Variants in PALM2AKAP2 observed in about 807,000 individuals in gnomAD.
PALM2AKAP2 encodes the protein PALM2 and AKAP2 fusion.
A neutral mutation model predicts 71.5 loss-of-function variants in PALM2AKAP2; 37 were observed. The observed-to-expected ratio is 0.52, with a 90% confidence interval of 0.40 to 0.68. The LOEUF (loss-of-function observed/expected upper bound fraction) is 0.68, where lower values mean the gene tolerates loss of function less well. Ranked by LOEUF, PALM2AKAP2 falls within the 30% of genes least tolerant of loss-of-function variation. The pLI is 0.00. For missense variants in PALM2AKAP2, 1,224 were observed against 1,191.8 expected (o/e 1.03, Z -0.40); for synonymous variants, 468 against 478.8 (o/e 0.98, Z 0.29).
At chr9:110,058,978 C>T (rs141779100) in intron 1 of PALM2AKAP2, among the ~76,000 whole-genome samples, 6,259 of 144,898 alleles carry the variant, frequency 0.043, 194 homozygotes, top group South Asian at 0.11. Flanking sequence ...CGGCTCACTG[C>T]AACCTCCGCC....
intron 1 of PALM2AKAP2, among the ~76,000 whole-genome samples, chr9:109,657,573 G>C (rs1048943322): frequency 4.3e-4 from 65 of 151,994 alleles, no homozygotes; most frequent in African/African-American, 1.5e-3. Context: ...GACAGACAGA[G>C]ACAGAAAGAA....
intron 1 of PALM2AKAP2, among the ~76,000 whole-genome samples, chr9:109,767,525 G>C (rs928772967): frequency 6.8e-4 from 103 of 152,152 alleles, no homozygotes; most frequent in Admixed American, 6.7e-3. Flanking sequence ...CTCATCCCTG[G>C]CAGCTGGAGT....
Position 110,156,511 on chromosome 9 carries a change from C to T in PALM2AKAP2, c.2748+14C>T. ...GATGATAGTAGTGTAAGTTTTTCCT[C>T]CTTTCCTCTTTCACTTCTCTGAGCG... On this transcript the variant is annotated intron_variant, in intron 3 of 3. Coordinates refer to ENST00000374525, the Ensembl canonical transcript of PALM2AKAP2. 1 of 1,585,248 alleles carries T rather than the reference C, an allele frequency of 6.3e-7. No homozygotes were observed. Among genetic ancestry groups the T allele is most frequent in the South Asian group, 1.2e-5 (1 of 86,426 alleles).
intron 1 of PALM2AKAP2, among the ~76,000 whole-genome samples, chr9:109,854,414 C>G (rs1829098636): frequency 6.6e-6 from 1 of 152,234 alleles, no homozygotes. Flanking sequence ...GCAACTGTCA[C>G]TGGTGATGGT....
At chr9:109,750,717 A>G (rs1004192802) in intron 1 of PALM2AKAP2, among the ~76,000 whole-genome samples, 1 of 152,076 alleles carries the variant, frequency 6.6e-6, no homozygotes, top group Non-Finnish European at 1.5e-5. Context: ...TTTTTTTCTA[A>G]AGGTCATGAT....
chr9:110,078,432 T>C (rs1338202837), intron 1 of PALM2AKAP2, among the ~76,000 whole-genome samples: 1 of 152,246 alleles, frequency 6.6e-6, no homozygotes, highest in Non-Finnish European at 1.5e-5. Flanking sequence ...ATTTATGTAT[T>C]CTTATCTATT....
intron 1 of PALM2AKAP2, among the ~76,000 whole-genome samples, chr9:109,641,132 C>T (rs1564098520): frequency 1.3e-5 from 2 of 152,212 alleles, no homozygotes; most frequent in African/African-American, 4.8e-5. Flanking sequence ...TTGCTAAGGA[C>T]GGAGGCATAT....
chr9:109,730,991 T>G (rs116131152), intron 1 of PALM2AKAP2, among the ~76,000 whole-genome samples: 6,499 of 152,326 alleles, frequency 0.043, 191 homozygotes, highest in Non-Finnish European at 0.053. Flanking sequence ...TGAAGTGCTT[T>G]CCTTTGCTTT....
intron 1 of PALM2AKAP2, among the ~76,000 whole-genome samples, chr9:109,829,137 T>C (rs1218029025): frequency 1.3e-5 from 2 of 152,234 alleles, no homozygotes; most frequent in Non-Finnish European, 2.9e-5. Flanking sequence ...TTTAAGATAG[T>C]GAAAATTCTG....
rs79325312 is a variant in PALM2AKAP2 at position 109,771,032 on chromosome 9, A to G, written c.6-9456A>G. 3.7e-3 allele frequency among the ~76,000 whole-genome samples: 569 copies of G among 152,340 alleles called. 4 individuals carry two copies. Among genetic ancestry groups the G allele is most frequent in the African/African-American group, 0.013 (533 of 41,580 alleles). On this transcript the variant is annotated intron_variant, in intron 1 of 6. Coordinates refer to the PALM2AKAP2 transcript ENST00000374531. ...TGGAAGATAAGGTCAGGTTTGTCCA[A>G]TCTATGCTTCCTCCCAACTTAAGTA...
intron 2 of PALM2AKAP2, among the ~76,000 whole-genome samples, chr9:110,140,554 T>TCAA (rs1836002786): frequency 6.6e-6 from 1 of 152,262 alleles, no homozygotes; most frequent in African/African-American, 2.4e-5. Flanking sequence ...GAGTTTGCCC[T>TCAA]GATGCTTTTT....
intron 3 of PALM2AKAP2, among the ~76,000 whole-genome samples, chr9:110,166,537 T>A (rs937696200): frequency 6.6e-6 from 1 of 152,224 alleles, no homozygotes; most frequent in Non-Finnish European, 1.5e-5. Context: ...CTATACAGAT[T>A]TGGAAGCATG....
intron 1 of PALM2AKAP2, among the ~76,000 whole-genome samples, chr9:109,713,604 G>A (rs1269057400): frequency 1.3e-5 from 2 of 152,078 alleles, no homozygotes; most frequent in Non-Finnish European, 2.9e-5. Flanking sequence ...AATCAAATGA[G>A]TTTCCAAGCA....
intron 6 of PALM2AKAP2, among the ~76,000 whole-genome samples, chr9:109,951,544 G>T (rs1175154034): frequency 1.3e-5 from 2 of 152,138 alleles, no homozygotes; most frequent in Non-Finnish European, 2.9e-5. Flanking sequence ...AGGCCAGACC[G>T]TGTTGGGAGC....
chr9:109,975,177 A>G (rs772626021), intron 6 of PALM2AKAP2, among the ~76,000 whole-genome samples: 4 of 152,238 alleles, frequency 2.6e-5, no homozygotes, highest in Non-Finnish European at 5.9e-5. Flanking sequence ...TCACTCAATT[A>G]TGGCGGTTGA....
At chr9:110,018,478 G>A (rs1833020133) in intron 7 of PALM2AKAP2, among the ~76,000 whole-genome samples, 1 of 152,000 alleles carries the variant, frequency 6.6e-6, no homozygotes, top group South Asian at 2.1e-4. Flanking sequence ...TTATAGGCAT[G>A]TGCCACCATG....
chr9:109,761,528 C>A (rs1250214937), intron 1 of PALM2AKAP2, among the ~76,000 whole-genome samples: 5 of 152,132 alleles, frequency 3.3e-5, no homozygotes, highest in African/African-American at 1.2e-4. Flanking sequence ...CTCCCCTTGT[C>A]CCCCACCCCC....
intron 1 of PALM2AKAP2, among the ~76,000 whole-genome samples, chr9:110,089,401 C>T (rs1354582012): frequency 6.6e-6 from 1 of 152,178 alleles, no homozygotes; most frequent in African/African-American, 2.4e-5. Context: ...GGCATGGCTA[C>T]AGCAAGTCCT....
chr9:109,971,779 C>A (rs1832074382), intron 6 of PALM2AKAP2, among the ~76,000 whole-genome samples: 1 of 152,126 alleles, frequency 6.6e-6, no homozygotes, highest in Admixed American at 6.5e-5. Context: ...GGCATTTAGA[C>A]CTTCCAAAAT....
Sources: gnomAD v4.1 joint callset for allele counts (sites outside exome capture counted in the v4.1 genomes callset) on GRCh38, gnomAD v4.1.1 for gene constraint, MANE v1.5 for transcripts, NCBI Gene and HGNC (gene_info 2026-07-23, HGNC 2026-07-21) for gene names.